Variants in MECOM observed in about 807,000 individuals in gnomAD.
MECOM encodes the protein histone-lysine N-methyltransferase MECOM.
In MECOM, 13 loss-of-function variants were observed where a neutral mutation model predicts 116.3. The observed-to-expected ratio is 0.11, with a 90% CI of 0.07 to 0.18. The LOEUF (loss-of-function observed/expected upper bound fraction) is 0.18. Ranked by LOEUF, MECOM falls within the 10% of genes least tolerant of loss-of-function variation. The pLI, the probability that MECOM is intolerant of heterozygous loss-of-function variation, is 1.00. For missense variants in MECOM, 1,299 were observed against 1,509.0 expected (o/e 0.86, Z 2.31); for synonymous variants, 528 against 535.2 (o/e 0.99, Z 0.19).
chr3:169,292,822 G>A (rs1350444479), intron 2 of MECOM, among the ~76,000 whole-genome samples: 1 of 152,176 alleles, frequency 6.6e-6, no homozygotes, highest in Non-Finnish European at 1.5e-5. Flanking sequence ...CCAGGGAATG[G>A]AAAAAGATCT....
rs187984955 is a variant in MECOM, at chr3:169,607,620, T to C, written c.37+55716A>G. ...TTGTTATTGAATATCCATAATAAGC[T>C]GGCATGGAACAATCTAAAACAGCAA... On this transcript the variant is annotated intron_variant, in intron 1 of 16. Transcript: ENST00000651503. Among the ~76,000 whole-genome samples, 3 of 152,358 alleles carry C rather than the reference T, an allele frequency of 2.0e-5. No individual in the cohort carries two copies. The East Asian group carries it at 5.8e-4, about 29-fold the overall frequency.
intron 1 of MECOM, among the ~76,000 whole-genome samples, chr3:169,629,668 C>T (rs1161643201): frequency 6.6e-6 from 1 of 152,192 alleles, no homozygotes; most frequent in African/African-American, 2.4e-5. Flanking sequence ...GGAAAGTCCA[C>T]ACCCCACCCC....
At chr3:169,594,960 G>A (rs567044970) in intron 1 of MECOM, among the ~76,000 whole-genome samples, 11 of 150,380 alleles carry the variant, frequency 7.3e-5, no homozygotes, top group Non-Finnish European at 1.3e-4. Flanking sequence ...TTAATTTAGT[G>A]AGAACTGTTT....
intron 1 of MECOM, among the ~76,000 whole-genome samples, chr3:169,570,400 T>G (rs572272953): frequency 6.6e-6 from 1 of 152,350 alleles, no homozygotes; most frequent in South Asian, 2.1e-4. Context: ...AGCTGAATTC[T>G]ACCAGAGGTA....
chr3:169,659,203 C>T (rs1775926815), intron 1 of MECOM, among the ~76,000 whole-genome samples: 2 of 152,152 alleles, frequency 1.3e-5, no homozygotes, highest in South Asian at 2.1e-4. Flanking sequence ...CCAGGGGAGG[C>T]CTTGGCTCAG....
At chr3:169,508,237 TG>T (rs1755535977) in intron 1 of MECOM, among the ~76,000 whole-genome samples, 2 of 152,076 alleles carry the variant, frequency 1.3e-5, no homozygotes, top group Non-Finnish European at 2.9e-5. Flanking sequence ...ACAATTATTT[TG>T]TTGAGTATTC....
At chr3:169,504,146 G>GAAAA (rs763165833) in intron 1 of MECOM, among the ~76,000 whole-genome samples, 1 of 80,138 alleles carries the variant, frequency 1.2e-5, no homozygotes, top group African/African-American at 4.4e-5. Context: ...AAAAGAAAAA[G>GAAAA]AGAAGTGTGT....
intron 1 of MECOM, among the ~76,000 whole-genome samples, chr3:169,594,937 G>A (rs995338714): frequency 6.7e-6 from 1 of 150,362 alleles, no homozygotes; most frequent in African/African-American, 2.4e-5. Flanking sequence ...GGGGGAGGGA[G>A]GGCTGGACTG....
At chr3:169,437,323 A>G (rs993839409) in intron 1 of MECOM, among the ~76,000 whole-genome samples, 1 of 152,212 alleles carries the variant, frequency 6.6e-6, no homozygotes, top group African/African-American at 2.4e-5. Context: ...ACTAAAATCA[A>G]TCTATTAAAT....
At chr3:169,146,660 C>G (rs1740047167) in intron 2 of MECOM, 2 of 1,347,454 alleles carry the variant, frequency 1.5e-6, no homozygotes, top group Non-Finnish European at 9.8e-7. Context: ...GGAAACTGTC[C>G]GAAGTGACAA....
intron 1 of MECOM, among the ~76,000 whole-genome samples, chr3:169,600,093 AC>A (rs978145347): frequency 1.6e-4 from 25 of 151,862 alleles, no homozygotes; most frequent in Non-Finnish European, 5.9e-5. Context: ...TGCCTCAGCC[AC>A]CCGAGTAGCT....
chr3:169,086,697 TGAAATTAA>T, intron 16 of MECOM: 1 of 573,802 alleles, frequency 1.7e-6, no homozygotes, highest in South Asian at 2.6e-5. Flanking sequence ...CCTATTACCA[TGAAATTAA>T]TTTTTACCGG....
chr3:169,333,274 C>A (rs533790810), intron 2 of MECOM, among the ~76,000 whole-genome samples: 43 of 152,210 alleles, frequency 2.8e-4, no homozygotes, highest in African/African-American at 9.9e-4. Flanking sequence ...GAGGGGTGAC[C>A]TGTTAACCCC....
At chr3:169,380,284 C>T (rs552049625) in intron 2 of MECOM, among the ~76,000 whole-genome samples, 283 of 152,164 alleles carry the variant, frequency 1.9e-3, no homozygotes, top group African/African-American at 6.6e-3. Context: ...AAATATCTTA[C>T]CCCTGCAGAA....
Position 169,393,075 on chromosome 3 carries a change from GA to G in MECOM, c.38-11552del, listed in dbSNP as rs768131585. 4.7e-4 allele frequency among the ~76,000 whole-genome samples: 72 copies of G among 152,178 alleles called. No individual in the cohort carries two copies. In the Middle Eastern group the frequency reaches 0.014, roughly 29 times the overall value. ...GTATTTCTGCTTGATCTGCTTCACT[GA>G]AAAGGGCCCAGAAGTTCTATTGTGA... On this transcript the variant is annotated intron_variant, in intron 1 of 16. Transcript: ENST00000651503.
intron 2 of MECOM, among the ~76,000 whole-genome samples, chr3:169,329,628 A>G (rs1237354166): frequency 6.6e-6 from 1 of 152,200 alleles, no homozygotes; most frequent in Non-Finnish European, 1.5e-5. Flanking sequence ...TCTTGTTCAT[A>G]GTAAAGTTGA....
intron 1 of MECOM, among the ~76,000 whole-genome samples, chr3:169,467,347 G>A (rs1578179537): frequency 1.3e-5 from 2 of 152,120 alleles, no homozygotes; most frequent in East Asian, 3.8e-4. Flanking sequence ...AGACAGTTAT[G>A]TCCTCCTACC....
chr3:169,586,641 G>A (rs910653134), intron 1 of MECOM, among the ~76,000 whole-genome samples: 1 of 152,142 alleles, frequency 6.6e-6, no homozygotes, highest in Non-Finnish European at 1.5e-5. Flanking sequence ...CCCAAAGAAA[G>A]CATTTGCCTT....
At chr3:169,297,256 A>G (rs769655456) in intron 2 of MECOM, among the ~76,000 whole-genome samples, 4 of 152,198 alleles carry the variant, frequency 2.6e-5, no homozygotes, top group African/African-American at 4.8e-5. Context: ...GTTATAATCT[A>G]ACAGGCTACA....
Sources: gnomAD v4.1 joint callset for allele counts (sites outside exome capture counted in the v4.1 genomes callset) on GRCh38, gnomAD v4.1.1 for gene constraint, MANE v1.5 for transcripts, NCBI Gene and HGNC (gene_info 2026-07-23, HGNC 2026-07-21) for gene names.